The following SNX13 variants were observed in gnomAD, a reference collection of about 807,000 sequenced individuals.
SNX13 encodes the protein sorting nexin 13, also known as sorting nexin-13.
Under a neutral mutation model 133.6 loss-of-function variants are expected in SNX13, and 45 were observed. The ratio of observed to expected loss-of-function variants is 0.34; its 90% CI spans 0.27 to 0.43. The LOEUF is 0.43. SNX13 is among the 20% of genes least tolerant of loss of function. The pLI is 1.00. For synonymous variants in SNX13, 414 were observed against 373.9 expected (o/e 1.11, Z -1.24); for missense variants, 1,032 against 1,145.1 (o/e 0.90, Z 1.43).
At chr7:17,855,206 A>G (rs1791738856) in intron 9 of SNX13, among the ~76,000 whole-genome samples, 1 of 152,194 alleles carries the variant, frequency 6.6e-6, no homozygotes, top group Admixed American at 6.5e-5. Flanking sequence ...AAACTGCAGA[A>G]GAAGAGTTTG....
At chr7:17,920,093 CAA>C (rs1799965590) in intron 1 of SNX13, among the ~76,000 whole-genome samples, 1 of 152,124 alleles carries the variant, frequency 6.6e-6, no homozygotes, top group African/African-American at 2.4e-5. Context: ...GTCATAGCCT[CAA>C]AAAGTTACCT....
At chr7:17,878,587 C>T (rs544371566) in intron 5 of SNX13, among the ~76,000 whole-genome samples, 3 of 152,172 alleles carry the variant, frequency 2.0e-5, no homozygotes, top group Non-Finnish European at 2.9e-5. Flanking sequence ...TCGTATCCCT[C>T]GCCACCATTC....
intron 5 of SNX13, among the ~76,000 whole-genome samples, chr7:17,878,259 A>T (rs1419409300): frequency 6.6e-6 from 1 of 152,180 alleles, no homozygotes; most frequent in Non-Finnish European, 1.5e-5. Context: ...GCTATTACAT[A>T]ATGCATCTTA....
chr7:17,808,342 A>G (rs1785566200), intron 20 of SNX13, among the ~76,000 whole-genome samples: 1 of 152,232 alleles, frequency 6.6e-6, no homozygotes, highest in African/African-American at 2.4e-5. Flanking sequence ...ATTAAGTGGA[A>G]GAAAGGATAT....
At chr7:17,836,554 T>C (rs77084370) in intron 13 of SNX13, among the ~76,000 whole-genome samples, 2,205 of 152,208 alleles carry the variant, frequency 0.014, 82 homozygotes, top group East Asian at 0.14. Context: ...CATTTGTTAT[T>C]ACTTTAATGT....
chr7:17,859,090 G>T (rs1490100901), intron 9 of SNX13, among the ~76,000 whole-genome samples: 1 of 151,888 alleles, frequency 6.6e-6, no homozygotes, highest in Non-Finnish European at 1.5e-5. Context: ...ACCCAAATTG[G>T]GAAATTACGT....
chr7:17,831,520 TGTTAA>T, intron 15 of SNX13: 3 of 984,254 alleles, frequency 3.0e-6, no homozygotes, highest in Non-Finnish European at 2.4e-6. Context: ...CTCTACCTAC[TGTTAA>T]GTTTGGTTAA....
chr7:17,834,221 C>G (rs1181167560), intron 14 of SNX13, 37 bp from the exon 15 acceptor site: 1 of 1,510,504 alleles, frequency 6.6e-7, no homozygotes, highest in Non-Finnish European at 8.9e-7. Context: ...ACAATTAATA[C>G]AGGTGTGTGG....
In SNX13 at chr7:17,875,492, T is replaced by C. The variant is rs772296026; in HGVS notation, c.652A>G (p.Lys218Glu). 3.1e-6 allele frequency: 5 copies of C among 1,606,834 alleles called. No individual in the cohort carries two copies. In the East Asian group the frequency reaches 6.7e-5, roughly 22 times the overall value. The change falls in exon 7 of 26, where the codon AAA (lysine) becomes GAA (glutamate). Residue 218 changes from lysine (K) to glutamate (E), a missense_variant. Coordinates refer to ENST00000428135, the MANE Select transcript of SNX13 (RefSeq NM_015132.5). ...ATTAAAAGAAAACCTTCTTCATCTTTGGGGGAAGTGCACACTAGATCACGG... is the reference window on the plus strand; with the variant it reads ...ATTAAAAGAAAACCTTCTTCATCTTCGGGGGAAGTGCACACTAGATCACGG... ...VCRDLVCTSP[K>E]DEEGFLRDLC...
intron 1 of SNX13, among the ~76,000 whole-genome samples, chr7:17,926,004 T>A (rs533010814): frequency 2.0e-5 from 3 of 152,336 alleles, no homozygotes; most frequent in East Asian, 1.9e-4. Context: ...AGGTATTTTT[T>A]AAATTCTTTA....
Position 17,821,823 on chromosome 7 carries a change from C to G in SNX13, c.1706-175G>C, listed in dbSNP as rs2128302912. 4.6e-6 allele frequency: 3 copies of G among 651,408 alleles called. No individual in the cohort carries two copies. The East Asian group carries it at 8.6e-5, about 19-fold the overall frequency. The allele number at this position is 651,408 out of a possible 1,614,324, so 40.4% of individuals were successfully genotyped here. On this transcript the variant is annotated intron_variant, in intron 17 of 25. Coordinates refer to ENST00000428135, the MANE Select transcript of SNX13 (RefSeq NM_015132.5). ...AGGATGTCAGCAAAGGATAGATTCC[C>G]ATCCTCCATATTCACATCCATAAGG...
chr7:17,877,313 T>C (rs945404474), intron 5 of SNX13, among the ~76,000 whole-genome samples: 11 of 151,990 alleles, frequency 7.2e-5, no homozygotes, highest in African/African-American at 2.2e-4. Flanking sequence ...GGTAACAATA[T>C]TCAGTCTCAA....
intron 20 of SNX13, among the ~76,000 whole-genome samples, chr7:17,812,338 G>A (rs999897128): frequency 4.6e-5 from 7 of 152,216 alleles, no homozygotes; most frequent in East Asian, 3.9e-4. Flanking sequence ...GTGGGCGAAC[G>A]ATACGAACAG....
At chr7:17,919,099 G>GA (rs1799858400) in intron 1 of SNX13, among the ~76,000 whole-genome samples, 1 of 152,158 alleles carries the variant, frequency 6.6e-6, no homozygotes, top group Admixed American at 6.6e-5. Flanking sequence ...AAGAGGGGAA[G>GA]AATGGAGGGA....
intron 12 of SNX13, among the ~76,000 whole-genome samples, chr7:17,843,079 T>C (rs1022847157): frequency 1.2e-4 from 18 of 151,988 alleles, no homozygotes; most frequent in Admixed American, 2.0e-4. Context: ...GACAGAACTC[T>C]TTCCTTATAA....
At chr7:17,818,347 C>T (rs962838567) in intron 18 of SNX13, among the ~76,000 whole-genome samples, 1 of 152,010 alleles carries the variant, frequency 6.6e-6, no homozygotes, top group South Asian at 2.1e-4. Flanking sequence ...TTAAACCTTA[C>T]TAATAAAAAG....
intron 9 of SNX13, among the ~76,000 whole-genome samples, chr7:17,864,564 A>G (rs1040579422): frequency 1.3e-5 from 2 of 152,188 alleles, no homozygotes; most frequent in African/African-American, 2.4e-5. Context: ...AAGAGGATGT[A>G]AAGAGAGAGA....
chr7:17,908,950 C>A (rs1044753019), intron 1 of SNX13, among the ~76,000 whole-genome samples: 2 of 151,908 alleles, frequency 1.3e-5, no homozygotes, highest in South Asian at 2.1e-4. Flanking sequence ...AAGGATATAG[C>A]CAGGTGAAGA....
chr7:17,851,086 A>C, intron 9 of SNX13, 122 bp from the exon 10 acceptor site: 1 of 995,990 alleles, frequency 1.0e-6, no homozygotes, highest in Non-Finnish European at 1.4e-6. Context: ...TACAACAAAA[A>C]GAAAAAAGTT....
Sources: gnomAD v4.1 joint callset for allele counts (sites outside exome capture counted in the v4.1 genomes callset) on GRCh38, gnomAD v4.1.1 for gene constraint, MANE v1.5 for transcripts, NCBI Gene and HGNC (gene_info 2026-07-23, HGNC 2026-07-21) for gene names.